The following MIDEAS variants were observed in gnomAD, a reference collection of about 807,000 sequenced individuals.
MIDEAS encodes mitotic deacetylase associated SANT domain protein, also known as mitotic deacetylase-associated SANT domain protein.
Under a neutral mutation model 102.7 loss-of-function variants are expected in MIDEAS, and 26 were observed. The observed-to-expected ratio is 0.25, with a 90% confidence interval of 0.19 to 0.35. The LOEUF (loss-of-function observed/expected upper bound fraction) is 0.35, where lower values mean the gene tolerates loss of function less well. Ranked by LOEUF, MIDEAS falls within the 10% of genes least tolerant of loss-of-function variation. MIDEAS has a pLI of 1.00. For synonymous variants in MIDEAS, 585 were observed against 591.0 expected (o/e 0.99, Z 0.15); for missense variants, 1,231 against 1,435.6 (o/e 0.86, Z 2.30).
chr14:73,722,547 C>G, intron 10 of MIDEAS, 151 bp downstream of exon 10: 1 of 787,150 alleles, frequency 1.3e-6, no homozygotes, highest in East Asian at 2.6e-5. Context: ...GAGAACCCAG[C>G]GGTCCAGGGC....
chr14:73,757,501 T>C (rs1044960606), intron 1 of MIDEAS, among the ~76,000 whole-genome samples: 2 of 152,140 alleles, frequency 1.3e-5, no homozygotes, highest in African/African-American at 4.8e-5. Flanking sequence ...AATAACTACA[T>C]AAGGTGGAAA....
At chr14:73,720,621 C>G (rs1337001253) in intron 11 of MIDEAS, among the ~76,000 whole-genome samples, 13 of 152,156 alleles carry the variant, frequency 8.5e-5, no homozygotes, top group Non-Finnish European at 1.6e-4. Flanking sequence ...CCTCCTTACC[C>G]CTTTCTGGGA....
At chr14:73,756,281 T>TGC (rs1469156835) in intron 1 of MIDEAS, among the ~76,000 whole-genome samples, 5 of 89,520 alleles carry the variant, frequency 5.6e-5, no homozygotes, top group Admixed American at 2.4e-4. Flanking sequence ...TGTGTGTGTG[T>TGC]GTGTGTGTGT....
upstream of MIDEAS, chr14:73,789,710 G>A (rs1449721401): frequency 1.3e-5 from 2 of 152,210 alleles, no homozygotes; most frequent in Non-Finnish European, 2.9e-5. Flanking sequence ...CCCAAGAACA[G>A]AAGGCCGAGC....
At chr14:73,721,562 T>C in intron 10 of MIDEAS, 53 bp from the exon 11 acceptor site, 1 of 1,550,452 alleles carries the variant, frequency 6.4e-7, no homozygotes, top group Non-Finnish European at 8.9e-7. Flanking sequence ...CTCACTGCTG[T>C]AGCACAGATT....
chr14:73,743,660 G>A (rs2140131563), intron 1 of MIDEAS, among the ~76,000 whole-genome samples: 1 of 152,234 alleles, frequency 6.6e-6, no homozygotes, highest in South Asian at 2.1e-4. Flanking sequence ...GAGGAAGGAC[G>A]ACACCTCCAA....
intron 7 of MIDEAS, 103 bp from the exon 8 acceptor site, chr14:73,726,211 T>A (rs940054535): frequency 3.1e-5 from 29 of 941,298 alleles, no homozygotes; most frequent in Non-Finnish European, 4.7e-5. Flanking sequence ...GGACACTTAC[T>A]CTTGCCCCCT....
intron 1 of MIDEAS, among the ~76,000 whole-genome samples, chr14:73,749,792 C>T (rs2053399376): frequency 6.6e-6 from 1 of 152,144 alleles, no homozygotes; most frequent in East Asian, 1.9e-4. Flanking sequence ...AAGTAACTTG[C>T]CAAGTTCTCT....
chr14:73,760,729 G>A (rs1238319405), upstream of MIDEAS, among the ~76,000 whole-genome samples: 5 of 152,126 alleles, frequency 3.3e-5, no homozygotes, highest in Non-Finnish European at 5.9e-5. This position sits in a 1 kb window ranked among gnomAD's most constrained non-coding sequence, Gnocchi z 4.8. Flanking sequence ...GCTCAAAAGC[G>A]TCCTGGTGCG....
chr14:73,752,843 C>T (rs954578474), intron 1 of MIDEAS, among the ~76,000 whole-genome samples: 65 of 152,248 alleles, frequency 4.3e-4, no homozygotes. Context: ...ACCCAGAGGC[C>T]TTTGGCACAG....
chr14:73,751,153 C>T (rs551891840), intron 1 of MIDEAS, among the ~76,000 whole-genome samples: 2 of 152,340 alleles, frequency 1.3e-5, no homozygotes, highest in Admixed American at 1.3e-4. Flanking sequence ...ACCAGGCCAT[C>T]AAGGTAGGTA....
rs535316705 is a variant in MIDEAS at position 73,748,656 on chromosome 14, C to T, written c.-247-8401G>A. Among the ~76,000 whole-genome samples, 4 of 151,924 alleles carry T rather than the reference C, an allele frequency of 2.6e-5. No individual in the cohort carries two copies. In the South Asian group the frequency reaches 8.3e-4, roughly 32 times the overall value. On this transcript the variant is annotated intron_variant, in intron 1 of 12. Coordinates refer to ENST00000423556, the MANE Select transcript of MIDEAS (RefSeq NM_001367710.1). ...TGGTGGCAGGCACCTGTAATCGCAG[C>T]TACTCAGGAGGCTGAGACAGGAGAA...
At chr14:73,783,465 C>T (rs1260184222) in intron 1 of MIDEAS, among the ~76,000 whole-genome samples, 1 of 152,160 alleles carries the variant, frequency 6.6e-6, no homozygotes. Flanking sequence ...GGGAGAGGAG[C>T]AAAGGTCAGA....
intron 7 of MIDEAS, 135 bp from the exon 8 acceptor site, chr14:73,726,243 T>A: frequency 3.9e-6 from 3 of 762,018 alleles, no homozygotes; most frequent in Non-Finnish European, 6.7e-6. Context: ...AGATAAGGGG[T>A]CCACTGGGGT....
chr14:73,718,729 A>G lies in MIDEAS; in HGVS notation c.*114T>C, dbSNP rs887264955. 1.8e-6 allele frequency: 2 copies of G among 1,110,078 alleles called. No individual in the cohort carries two copies. The highest frequency in any genetic ancestry group is 2.3e-6 in the Non-Finnish European group (2 of 852,290). 68.8% of individuals were successfully genotyped at this position (1,110,078 alleles called of 1,614,324 possible). ...CATTGTCTCATTTGTTTCGCAGGGA[A>G]AAGTCCCTGCAATCCTCTCCTCACT... is the stretch of plus-strand genomic sequence containing the variant. On this transcript the variant is annotated 3_prime_UTR_variant, in exon 13 of 13. Transcript: ENST00000423556.
intron 3 of MIDEAS, among the ~76,000 whole-genome samples, chr14:73,732,569 T>G (rs1381922474): frequency 6.6e-6 from 1 of 152,048 alleles, no homozygotes; most frequent in African/African-American, 2.4e-5. Context: ...GTGGATCACC[T>G]GAAGTCAGGA....
chr14:73,735,444 C>T (rs975652471), intron 3 of MIDEAS, among the ~76,000 whole-genome samples: 1 of 152,158 alleles, frequency 6.6e-6, no homozygotes, highest in African/African-American at 2.4e-5. Context: ...CTCAAGTGAT[C>T]CACCTGCCTT....
At chr14:73,723,467 G>C (rs1461195400) in intron 9 of MIDEAS, 1 of 152,232 alleles carries the variant, frequency 6.6e-6, no homozygotes, top group African/African-American at 2.4e-5. Flanking sequence ...TATTTTATCA[G>C]GTTAAATTTC....
chr14:73,764,339 C>CAAAAAAAAAAAAAAAAAAAAAA (rs5809629), upstream of MIDEAS, among the ~76,000 whole-genome samples: 1 of 88,256 alleles, frequency 1.1e-5, no homozygotes, highest in African/African-American at 4.4e-5. Context: ...GACCCTGTCT[C>CAAAAAAAAAAAAAAAAAAAAAA]AAAAAAAAAA....
Sources: allele counts gnomAD v4.1 joint callset (sites outside exome capture counted in the v4.1 genomes callset), GRCh38; gene constraint gnomAD v4.1.1; non-coding constraint Gnocchi (gnomAD v3.1); transcripts MANE v1.5; gene names NCBI Gene and HGNC (gene_info 2026-07-23, HGNC 2026-07-21).